GON4L: variants seen among roughly 807,000 people sequenced by gnomAD.
The protein encoded by GON4L is GON-4-like protein.
In GON4L, 87 loss-of-function variants were observed where a neutral mutation model predicts 211.8. The ratio of observed to expected loss-of-function variants is 0.41; its 90% CI spans 0.35 to 0.49. GON4L has a LOEUF of 0.49. Among genes scored for constraint, GON4L ranks in the 20% least tolerant of loss-of-function variants. The pLI, the probability that GON4L is intolerant of heterozygous loss-of-function variation, is 0.15. For missense variants in GON4L, 2,155 were observed against 2,659.5 expected, an observed-to-expected ratio of 0.81 and a Z score of 4.17; for synonymous variants, 875 against 962.6, an observed-to-expected ratio of 0.91 and a Z score of 1.68.
chr1:155,846,165 C>A, intron 2 of GON4L: 1 of 231,464 alleles, frequency 4.3e-6, no homozygotes, highest in South Asian at 7.9e-5. Flanking sequence ...CTGATCCATT[C>A]TGTGATCACC....
At chr1:155,800,090 T>C (rs1333692258) in intron 11 of GON4L, among the ~76,000 whole-genome samples, 14 of 151,308 alleles carry the variant, frequency 9.3e-5, no homozygotes, top group Non-Finnish European at 1.2e-4. Flanking sequence ...ATCCAGTTAC[T>C]TGGGAGGCTG....
At chr1:155,859,109 A>G (rs1204634804), upstream of GON4L, among the ~76,000 whole-genome samples, 1 of 152,188 alleles carries the variant, frequency 6.6e-6, no homozygotes, top group East Asian at 1.9e-4. Context: ...ATAAGCCAAA[A>G]AAAAAAGTTC....
intron 21 of GON4L, chr1:155,764,679 T>C: frequency 1.6e-6 from 1 of 634,758 alleles, no homozygotes; most frequent in South Asian, 2.0e-5. Flanking sequence ...GGCCTTGTGA[T>C]CCACCCACCT....
intron 20 of GON4L, among the ~76,000 whole-genome samples, chr1:155,766,916 T>C (rs1662556805): frequency 6.6e-6 from 1 of 152,114 alleles, no homozygotes; most frequent in Non-Finnish European, 1.5e-5. Context: ...TGTGGTGGCA[T>C]GTGCCTGTAA....
At chr1:155,764,062 C>CA (rs1382884379) in intron 21 of GON4L, among the ~76,000 whole-genome samples, 15 of 150,242 alleles carry the variant, frequency 1.0e-4, no homozygotes, top group African/African-American at 2.9e-4. Context: ...CAAAACAAGA[C>CA]AAAAAAAAGA....
At chr1:155,842,101 C>A (rs528643176) in intron 2 of GON4L, among the ~76,000 whole-genome samples, 1 of 152,120 alleles carries the variant, frequency 6.6e-6, no homozygotes, top group African/African-American at 2.4e-5. Flanking sequence ...CCTCACTATA[C>A]CTTCCCCCCG....
chr1:155,778,242 T>A (rs1031477690), intron 14 of GON4L, among the ~76,000 whole-genome samples: 1 of 150,822 alleles, frequency 6.6e-6, no homozygotes, highest in Non-Finnish European at 1.5e-5. Flanking sequence ...CTGCCTTGCA[T>A]TTTTTTTTCA....
upstream of GON4L, among the ~76,000 whole-genome samples, chr1:155,858,305 C>T (rs1478472774): frequency 6.6e-6 from 1 of 152,170 alleles, no homozygotes; most frequent in African/African-American, 2.4e-5. Flanking sequence ...AAAATACTTT[C>T]AACCCCCTCA....
intron 12 of GON4L, among the ~76,000 whole-genome samples, chr1:155,791,543 A>C (rs1571758106): frequency 6.6e-6 from 1 of 151,910 alleles, no homozygotes; most frequent in East Asian, 1.9e-4. Flanking sequence ...ACTTGGGAAT[A>C]AATTGCTTTT....
Position 155,824,723 on chromosome 1 carries a change from G to A in GON4L, c.697+2114C>T, listed in dbSNP as rs191472465. Reference sequence around the variant, plus strand: ...CACACCATTGCACTCCAGCCTGGGCGACAGAGTGAGACTCTGGTTCAAAAC... The same window carrying A: ...CACACCATTGCACTCCAGCCTGGGCAACAGAGTGAGACTCTGGTTCAAAAC... On this transcript the variant is annotated intron_variant, in intron 3 of 31. Coordinates refer to ENST00000368331, the MANE Select transcript of GON4L (RefSeq NM_001282860.2). Among the ~76,000 whole-genome samples the A allele has an allele frequency of 5.4e-3, 736 of 135,562 alleles. 5 individuals are homozygous for A. Among genetic ancestry groups the A allele is most frequent in the African/African-American group, 0.02 (708 of 35,254 alleles). The allele number at this position is 135,562 out of a possible 152,430, so 88.9% of individuals were successfully genotyped here. A position where few individuals can be genotyped will look rare whatever the true frequency, so the allele number is the denominator to read the frequency against.
rs1245703291 is a variant in GON4L at position 155,762,227 on chromosome 1, T to C, written c.4874A>G (p.Gln1625Arg). ...AGCTTGGGCAAAGGCCAAGTCCTTC[T>C]GCTCCCTGAGTGGATCTCGCTCGAG... ...DILERDPLRE[Q>R]KDLAFAQAYL... Residue 1625 changes from glutamine to arginine, a missense_variant, in exon 23 of 32, where the codon CAG becomes CGG. By Grantham distance (43) the Gln-to-Arg change is conservative (BLOSUM62 1). Coordinates refer to ENST00000368331, the MANE Select transcript of GON4L (RefSeq NM_001282860.2). 6.2e-7 allele frequency: 1 copy of C among 1,610,908 alleles called. No individual in the cohort carries two copies. The highest frequency in any genetic ancestry group is 1.7e-5 in the Admixed American group (1 of 59,530).
chr1:155,768,035 G>A (rs771333828), intron 19 of GON4L, among the ~76,000 whole-genome samples: 4 of 152,170 alleles, frequency 2.6e-5, no homozygotes, highest in East Asian at 1.9e-4. Context: ...AAGGTTGGGC[G>A]TGGTGGTTCA....
downstream of GON4L, chr1:155,749,453 G>C: frequency 6.4e-7 from 1 of 1,552,136 alleles, no homozygotes. Context: ...GGTTGCTCCT[G>C]CCCTTCTTGC....
At chr1:155,773,032 T>C (rs1663367996) in intron 18 of GON4L, 34 bp downstream of exon 18, 1 of 1,610,704 alleles carries the variant, frequency 6.2e-7, no homozygotes, top group African/African-American at 1.3e-5. Flanking sequence ...CTTGGGATGT[T>C]CTGCTGTTTT....
At chr1:155,830,924 G>A (rs1204271755) in intron 2 of GON4L, among the ~76,000 whole-genome samples, 3 of 152,140 alleles carry the variant, frequency 2.0e-5, no homozygotes, top group Non-Finnish European at 2.9e-5. Context: ...AGTGGAAGAG[G>A]CTCTGCCTAC....
At chr1:155,747,876 C>G (rs760657343), downstream of GON4L, 9 of 1,583,012 alleles carry the variant, frequency 5.7e-6, no homozygotes, top group Admixed American at 1.6e-4. Context: ...GGGCCTGCTA[C>G]CTGGTCCCTA....
rs1663639690 is a variant in GON4L at position 155,775,067 on chromosome 1, A to T, written c.2285T>A (p.Leu762Gln). The change falls in exon 17 of 32, where the codon CTG becomes CAG. Residue 762 changes from leucine (L) to glutamine (Q), a missense_variant. Coordinates refer to ENST00000368331, the MANE Select transcript of GON4L (RefSeq NM_001282860.2). The part of the protein sequence containing the change: ...QPCNLMGAMQ[L>Q]IEDFSTHVSI... ...GACATGTGTGCTGAAGTCTTCAATC[A>T]GCTGCATAGCTCCCATCAAGTTACA... The T allele has an allele frequency of 6.2e-7, 1 of 1,613,508 alleles. No homozygotes were observed. Among genetic ancestry groups the T allele is most frequent in the Admixed American group, 1.7e-5 (1 of 59,972 alleles).
At chr1:155,831,405 G>C (rs1306267179) in intron 2 of GON4L, 1 of 151,950 alleles carries the variant, frequency 6.6e-6, no homozygotes, top group Non-Finnish European at 1.5e-5. Flanking sequence ...AGCCATTATT[G>C]TGCTACTGCA....
chr1:155,822,459 CTTCA>C lies in GON4L; in HGVS notation c.711_714del (p.Asn237LysfsTer30), dbSNP rs772214706. ...TTCTTTTTTCTCCTTTTCTCACTTT[CTTCA>C]TTGTCTTGTTCTTCTGCAAATAAAC... On this transcript the variant is annotated frameshift_variant, in exon 4 of 32. Transcript: ENST00000368331. LOFTEE classifies it high-confidence loss of function. 4.9e-5 allele frequency: 79 copies of C among 1,613,066 alleles called. No homozygotes were observed. Among genetic ancestry groups the C allele is most frequent in the African/African-American group, 2.7e-5 (2 of 74,902 alleles).
Sources: allele counts gnomAD v4.1 joint callset (sites outside exome capture counted in the v4.1 genomes callset), GRCh38; gene constraint gnomAD v4.1.1; transcripts MANE v1.5; gene names NCBI Gene and HGNC (gene_info 2026-07-23, HGNC 2026-07-21).